The following PSMD1 variants were observed in gnomAD, a reference collection of about 807,000 sequenced individuals.
The protein encoded by PSMD1 is 26S proteasome non-ATPase regulatory subunit 1.
Under a neutral mutation model 119.0 loss-of-function variants are expected in PSMD1, and 18 were observed. That is an observed-to-expected ratio of 0.15 (90% CI 0.10 to 0.22). The LOEUF is 0.22. Ranked by LOEUF, PSMD1 falls within the 10% of genes least tolerant of loss-of-function variation. The probability of loss-of-function intolerance (pLI) is 1.00; values close to 1 mark genes in which losing one functional copy is unlikely to be tolerated. For missense variants in PSMD1, 702 were observed against 1,158.5 expected, an observed-to-expected ratio of 0.61 and a Z score of 5.72; for synonymous variants, 374 against 396.6, an observed-to-expected ratio of 0.94 and a Z score of 0.68.
At chr2:231,071,764 G>A (rs1559218975) in intron 6 of PSMD1, among the ~76,000 whole-genome samples, 1 of 152,096 alleles carries the variant, frequency 6.6e-6, no homozygotes, top group Non-Finnish European at 1.5e-5. Context: ...CTTCAAAATG[G>A]TAATTTTAAT....
At chr2:231,140,602 G>T (rs1038549290) in intron 17 of PSMD1, among the ~76,000 whole-genome samples, 2 of 152,040 alleles carry the variant, frequency 1.3e-5, no homozygotes, top group Non-Finnish European at 2.9e-5. Flanking sequence ...TTTTGGCCAG[G>T]TGCAGTGGCT....
intron 16 of PSMD1, among the ~76,000 whole-genome samples, chr2:231,119,568 A>G (rs1695459171): frequency 6.6e-6 from 1 of 152,140 alleles, no homozygotes; most frequent in Non-Finnish European, 1.5e-5. Flanking sequence ...ATCATGAGGC[A>G]TCAATTGAAA....
chr2:231,170,787 G>C lies in PSMD1; in HGVS notation c.*9+66G>C. On this transcript the variant is annotated intron_variant, in intron 24 of 24. Coordinates refer to ENST00000308696, the MANE Select transcript of PSMD1 (RefSeq NM_002807.4). This position sits in a 1 kb window ranked among gnomAD's most constrained non-coding sequence, Gnocchi z 4.1. ...AATACTTCACAAATGTTTTTTGCAA[G>C]GACATCATCTCACGTTTTTCCTTCC... The C allele has an allele frequency of 4.8e-6, 7 of 1,443,398 alleles. No homozygotes were observed. Among genetic ancestry groups the C allele is most frequent in the Non-Finnish European group, 6.5e-6 (7 of 1,077,764 alleles). The allele number at this position is 1,443,398 out of a possible 1,614,324, so 89.4% of individuals were successfully genotyped here. A position where few individuals can be genotyped will look rare whatever the true frequency, so the allele number is the denominator to read the frequency against.
At chr2:231,066,367 G>A (rs976875128) in intron 4 of PSMD1, among the ~76,000 whole-genome samples, 12 of 152,122 alleles carry the variant, frequency 7.9e-5, no homozygotes, top group East Asian at 1.9e-4. Flanking sequence ...AAAGAAGTCC[G>A]ATATACTACT....
At chr2:231,079,712 C>CA (rs1278118025) in intron 11 of PSMD1, 98 bp downstream of exon 11, 10 of 719,262 alleles carry the variant, frequency 1.4e-5, no homozygotes, top group Non-Finnish European at 1.9e-5. Flanking sequence ...TTAACAAGTA[C>CA]ACTTTGTTAA....
In PSMD1 at chr2:231,165,956, T is replaced by C; in HGVS notation, c.2654T>C (p.Met885Thr). Reference protein sequence around the residue: ...FQLLDNPARVMPAQLKVLTMP... With the variant: ...FQLLDNPARVTPAQLKVLTMP... ...TTATTGGATAACCCAGCCCGAGTTA[T>C]GCCTGCCCAGCTTAAGGTCCTAACC... is the stretch of plus-strand genomic sequence containing the variant. The change falls in exon 23 of 25, where the codon ATG becomes ACG. Residue 885 changes from methionine to threonine, a missense_variant. Physicochemically the swap from Met to Thr is moderately conservative, Grantham distance 81. Around this residue, in one of 9 missense-constraint regions of PSMD1, gnomAD observed 152 missense variants for 239.3 expected, o/e 0.64. Coordinates refer to ENST00000308696, the MANE Select transcript of PSMD1 (RefSeq NM_002807.4). 13 of 1,614,086 alleles carry C rather than the reference T, an allele frequency of 8.1e-6. No homozygotes were observed. Among genetic ancestry groups the C allele is most frequent in the Non-Finnish European group, 1.1e-5 (13 of 1,179,962 alleles).
intron 23 of PSMD1, among the ~76,000 whole-genome samples, chr2:231,166,600 A>T (rs1260975364): frequency 2.0e-5 from 3 of 152,106 alleles, no homozygotes; most frequent in Non-Finnish European, 4.4e-5. Flanking sequence ...TTATTCCAAG[A>T]CAGAGTGCTT....
chr2:231,066,881 A>G lies in PSMD1; in HGVS notation c.305-25A>G, dbSNP rs1429690012. 2.0e-5 allele frequency: 31 copies of G among 1,541,860 alleles called. 1 individual carries two copies. The highest frequency in any genetic ancestry group is 2.4e-5 in the Non-Finnish European group (28 of 1,145,288). On this transcript the variant is annotated intron_variant, in intron 4 of 24. Coordinates refer to ENST00000308696, the MANE Select transcript of PSMD1 (RefSeq NM_002807.4). ...ATAGTTTAGCCCAATTTACAAGATA[A>G]TCAGTTATTTTATTTCCTCAACAGC... is the stretch of plus-strand genomic sequence containing the variant.
At chr2:231,133,714 C>T (rs1695904185) in intron 16 of PSMD1, 1 of 152,050 alleles carries the variant, frequency 6.6e-6, no homozygotes, top group Non-Finnish European at 1.5e-5. Flanking sequence ...TGTTTTTCCT[C>T]CTTTAGTAAA....
At chr2:231,151,802 A>ATTTTTTTTTTTTTTTTTT (rs1559251249) in intron 18 of PSMD1, among the ~76,000 whole-genome samples, 1 of 133,126 alleles carries the variant, frequency 7.5e-6, no homozygotes. Flanking sequence ...CAAACATGAG[A>ATTTTTTTTTTTTTTTTTT]ATTTTTTTTT....
At chr2:231,108,984 C>G in intron 16 of PSMD1, 2 of 1,614,140 alleles carry the variant, frequency 1.2e-6, no homozygotes, top group East Asian at 2.2e-5. Flanking sequence ...AACACAATCC[C>G]TAGGACCTTT....
intron 1 of PSMD1, among the ~76,000 whole-genome samples, chr2:231,060,589 G>A (rs1693732784): frequency 6.6e-6 from 1 of 152,162 alleles, no homozygotes; most frequent in Non-Finnish European, 1.5e-5. Context: ...TCCTATGTTA[G>A]TGGTAATACC....
At chr2:231,100,785 C>A (rs980124585) in intron 16 of PSMD1, among the ~76,000 whole-genome samples, 2 of 152,166 alleles carry the variant, frequency 1.3e-5, no homozygotes, top group Non-Finnish European at 2.9e-5. Flanking sequence ...TATACTGTTG[C>A]CATTGAGCTG....
At chr2:231,121,984 A>C (rs548213103) in intron 16 of PSMD1, among the ~76,000 whole-genome samples, 25,134 of 152,052 alleles carry the variant, frequency 0.17, 2,208 homozygotes, top group Non-Finnish European at 0.17. Flanking sequence ...TATTTATCAA[A>C]TATGCATATA....
chr2:231,169,941 T>C (rs1475190163), intron 23 of PSMD1, among the ~76,000 whole-genome samples: 4 of 152,226 alleles, frequency 2.6e-5, no homozygotes, highest in Non-Finnish European at 5.9e-5. Flanking sequence ...GATTTATAGA[T>C]TAAAGTGAAA....
At chr2:231,130,904 G>A (rs554890100) in intron 16 of PSMD1, among the ~76,000 whole-genome samples, 175 of 152,326 alleles carry the variant, frequency 1.1e-3, no homozygotes, top group African/African-American at 3.9e-3. Flanking sequence ...TATCTAGAAG[G>A]CAAATGTTTA....
chr2:231,147,901 T>G (rs1039804709), intron 18 of PSMD1, among the ~76,000 whole-genome samples: 1 of 152,148 alleles, frequency 6.6e-6, no homozygotes, highest in Non-Finnish European at 1.5e-5. Flanking sequence ...TTTCCGGAAC[T>G]CATTGATTAT....
At chr2:231,143,266 G>A (rs1484923733) in intron 17 of PSMD1, among the ~76,000 whole-genome samples, 1 of 151,978 alleles carries the variant, frequency 6.6e-6, no homozygotes, top group Non-Finnish European at 1.5e-5. Flanking sequence ...GTCTTGCTCT[G>A]TTGCCCAGGC....
intron 15 of PSMD1, among the ~76,000 whole-genome samples, chr2:231,085,352 G>A (rs1347024404): frequency 6.6e-6 from 1 of 152,190 alleles, no homozygotes; most frequent in Non-Finnish European, 1.5e-5. Context: ...AGCCATTCAG[G>A]TGCAACTTCT....
Sources: gnomAD v4.1 joint callset for allele counts (sites outside exome capture counted in the v4.1 genomes callset) on GRCh38, gnomAD v4.1.1 for gene constraint, gnomAD v4.1.1 regional missense constraint, Gnocchi (gnomAD v3.1) non-coding constraint, MANE v1.5 for transcripts, NCBI Gene and HGNC (gene_info 2026-07-23, HGNC 2026-07-21) for gene names.